Variants in GPR107 observed in about 807,000 individuals in gnomAD.
GPR107 encodes the protein protein GPR107.
GPR107 carries 31 observed loss-of-function variants against 75.5 expected under a neutral mutation model. That is an observed-to-expected ratio of 0.41 (90% CI 0.31 to 0.55). The LOEUF (loss-of-function observed/expected upper bound fraction) is 0.55, where lower values mean the gene tolerates loss of function less well. Among genes scored for constraint, GPR107 ranks in the 20% least tolerant of loss-of-function variants. The probability of loss-of-function intolerance (pLI) is 0.26; values close to 1 mark genes in which losing one functional copy is unlikely to be tolerated. For synonymous variants in GPR107, 267 were observed against 251.3 expected, an observed-to-expected ratio of 1.06 and a Z score of -0.59; for missense variants, 572 against 665.7, an observed-to-expected ratio of 0.86 and a Z score of 1.55.
intron 2 of GPR107, 76 bp from the exon 3 acceptor site, chr9:130,076,336 T>C (rs997377269): frequency 2.9e-5 from 27 of 919,656 alleles, no homozygotes; most frequent in Admixed American, 1.9e-4. Flanking sequence ...GAAGTACCAC[T>C]TTTTCTGCTT....
intron 1 of GPR107, among the ~76,000 whole-genome samples, chr9:130,070,437 G>C (rs1830177484): frequency 6.6e-6 from 1 of 152,104 alleles, no homozygotes; most frequent in Non-Finnish European, 1.5e-5. Flanking sequence ...CCACGTAGCT[G>C]GGATTACAGG....
intron 1 of GPR107, among the ~76,000 whole-genome samples, chr9:130,069,984 CT>C (rs1045979986): frequency 0.019 from 864 of 45,428 alleles, 10 homozygotes; most frequent in African/African-American, 0.069. Flanking sequence ...TGCCTGGCCT[CT>C]TTTTTTTTTT....
In GPR107 at chr9:130,107,490, T is replaced by G. The variant is rs372347633; in HGVS notation, c.1263-6T>G. ...AACTTTTTGTTCTCTAAATGTTTAT[T>G]TTTAGGTCAATCAGACATTTACAAG... On this transcript the variant is annotated splice_polypyrimidine_tract_variant and splice_region_variant and intron_variant, in intron 13 of 17. Transcript: ENST00000347136. 1 of 1,567,214 alleles carries G rather than the reference T, an allele frequency of 6.4e-7. No individual in the cohort carries two copies. The highest frequency in any genetic ancestry group is 1.4e-5 in the African/African-American group (1 of 74,064).
intron 5 of GPR107, chr9:130,083,345 G>A (rs766548897): frequency 3.1e-5 from 11 of 354,736 alleles, no homozygotes; most frequent in Admixed American, 1.9e-4. Flanking sequence ...TACTATTACC[G>A]GTTACTAGAT....
chr9:130,121,196 A>G (rs1270802211), intron 14 of GPR107, among the ~76,000 whole-genome samples: 11 of 151,140 alleles, frequency 7.3e-5, no homozygotes, highest in Non-Finnish European at 4.4e-5. Flanking sequence ...ACAAAACAAA[A>G]CAAAACAAAA....
At chr9:130,070,004 T>A (rs1589486438) in intron 1 of GPR107, among the ~76,000 whole-genome samples, 1 of 102,566 alleles carries the variant, frequency 9.7e-6, no homozygotes, top group Non-Finnish European at 2.0e-5. Context: ...TTTTTTTTTT[T>A]TTTTTTTAAA....
rs1269831654 is a variant in GPR107, at chr9:130,137,582, AGGT to A, written c.*2468_*2470del. 6.6e-6 allele frequency: 1 copy of A among 152,274 alleles called. No individual in the cohort carries two copies. Among genetic ancestry groups the A allele is most frequent in the Non-Finnish European group, 1.5e-5 (1 of 68,050 alleles). 9.4% of individuals were successfully genotyped at this position (152,274 alleles called of 1,614,324 possible). A position where few individuals can be genotyped will look rare whatever the true frequency, so the allele number is the denominator to read the frequency against. Reference sequence around the variant, plus strand: ...AACCCCAGCCCAAGATTGGGAAAGCAGGTGGTGGTTCCAAGCTTTTAAAAAATT... The same window carrying A: ...AACCCCAGCCCAAGATTGGGAAAGCAGGTGGTTCCAAGCTTTTAAAAAATT... On this transcript the variant is annotated 3_prime_UTR_variant, in exon 18 of 18. Transcript: ENST00000347136.
In GPR107 at chr9:130,092,321, C is replaced by G. The variant is rs1340215497; in HGVS notation, c.803C>G (p.Ser268Ter). Residue 268 changes from serine (S) to a stop codon, truncating the protein, a stop_gained, in exon 9 of 18, where the codon TCA (serine) becomes TGA (stop). Transcript: ENST00000347136. LOFTEE classifies it high-confidence loss of function. ...ATTCCTCTCCCCAAATTATACATCTCAATGGCCTTTTTCTTCTTTCTTTCT... is the reference window on the plus strand; with the variant it reads ...ATTCCTCTCCCCAAATTATACATCTGAATGGCCTTTTTCTTCTTTCTTTCT... ...GEIPLPKLYI[S>*]MAFFFFLSGT... 11 of 1,608,786 alleles carry G rather than the reference C, an allele frequency of 6.8e-6. No homozygotes were observed. Among genetic ancestry groups the G allele is most frequent in the Middle Eastern group, 1.7e-4 (1 of 6,050 alleles).
intron 1 of GPR107, among the ~76,000 whole-genome samples, chr9:130,060,251 T>A (rs1324948410): frequency 1.3e-5 from 2 of 151,816 alleles, no homozygotes; most frequent in Non-Finnish European, 2.9e-5. Flanking sequence ...TTATTAGAGA[T>A]GGGGTTTTGC....
intron 9 of GPR107, among the ~76,000 whole-genome samples, chr9:130,095,549 C>A (rs1471986193): frequency 4.6e-5 from 7 of 152,124 alleles, no homozygotes; most frequent in Non-Finnish European, 8.8e-5. Context: ...CGTCCGCCAC[C>A]ATGCCTGGCT....
chr9:130,074,529 C>T (rs917947070), intron 1 of GPR107, among the ~76,000 whole-genome samples: 4 of 152,128 alleles, frequency 2.6e-5, no homozygotes, highest in African/African-American at 9.7e-5. Flanking sequence ...TCTGTTGGCC[C>T]TGCAGTGTAC....
intron 1 of GPR107, among the ~76,000 whole-genome samples, chr9:130,056,658 G>T (rs1168953512): frequency 6.6e-6 from 1 of 151,974 alleles, no homozygotes; most frequent in Non-Finnish European, 1.5e-5. Flanking sequence ...GGGCGCAGTG[G>T]CTCACGCCTG....
chr9:130,066,986 CAAA>C (rs756449761), intron 1 of GPR107, among the ~76,000 whole-genome samples: 1 of 120,124 alleles, frequency 8.3e-6, no homozygotes. Flanking sequence ...ACTCCGTCTC[CAAA>C]AAAAAAAAAA....
At chr9:130,102,069 C>T (rs750063045) in intron 12 of GPR107, among the ~76,000 whole-genome samples, 39 of 152,180 alleles carry the variant, frequency 2.6e-4, no homozygotes, top group Non-Finnish European at 5.1e-4. Context: ...AGGCCAGTTG[C>T]TCTGTGTTTC....
intron 6 of GPR107, among the ~76,000 whole-genome samples, chr9:130,085,566 C>G (rs1211490872): frequency 6.6e-6 from 1 of 151,892 alleles, no homozygotes; most frequent in African/African-American, 2.4e-5. Context: ...TTTGTAAGCC[C>G]CCTGTCCCCA....
At chr9:130,083,924 C>A (rs796958833) in intron 6 of GPR107, among the ~76,000 whole-genome samples, 1 of 152,008 alleles carries the variant, frequency 6.6e-6, no homozygotes, top group African/African-American at 2.4e-5. Context: ...ATAGTTGTTA[C>A]ACTGTGTTGG....
At chr9:130,086,381 G>A (rs993292263) in intron 6 of GPR107, 39 bp from the exon 7 acceptor site, 2 of 928,370 alleles carry the variant, frequency 2.2e-6, no homozygotes, top group Non-Finnish European at 3.6e-6. Context: ...ATGCTTCTAT[G>A]CCGGTGTCAT....
rs77505902 is a variant in GPR107 at position 130,121,181 on chromosome 9, T to TCAAAACAAAACAAAA, written c.1307-3707_1307-3693dup. ...GGGAGACAGCGAGTGAGACCCTATCTCAAAACAAAACAAAACAAAACAAAA... is the reference window on the plus strand; with the variant it reads ...GGGAGACAGCGAGTGAGACCCTATCTCAAAACAAAACAAAACAAAACAAAACAAAACAAAACAAAA... On this transcript the variant is annotated intron_variant, in intron 14 of 17. Coordinates refer to ENST00000347136, the MANE Select transcript of GPR107 (RefSeq NM_020960.5). Among the ~76,000 whole-genome samples, 1,095 of 140,852 alleles carry TCAAAACAAAACAAAA rather than the reference T, an allele frequency of 7.8e-3. 13 individuals are homozygous for TCAAAACAAAACAAAA. The highest frequency in any genetic ancestry group is 0.011 in the South Asian group (47 of 4,094). 92.4% of individuals were successfully genotyped at this position (140,852 alleles called of 152,430 possible).
chr9:130,135,085 C>T lies in GPR107; in HGVS notation c.1623C>T (p.Ser541=), dbSNP rs781916436. The T allele has an allele frequency of 5.3e-5, 86 of 1,610,720 alleles. No homozygotes were observed. The highest frequency in any genetic ancestry group is 6.6e-5 in the South Asian group (6 of 90,930). ...MKKVKKVTNG[S]VEPQGEWEGA... ...AAGTCAAGAAGGTGACCAACGGCTC[C>T]GTGGAGCCCCAGGGCGAGTGGGAAG... Residue 541 remains serine (S), a synonymous_variant, in exon 18 of 18, where the codon TCC becomes TCT. Coordinates refer to ENST00000347136, the MANE Select transcript of GPR107 (RefSeq NM_020960.5).
Sources: gnomAD v4.1 joint callset for allele counts (sites outside exome capture counted in the v4.1 genomes callset) on GRCh38, gnomAD v4.1.1 for gene constraint, MANE v1.5 for transcripts, NCBI Gene and HGNC (gene_info 2026-07-23, HGNC 2026-07-21) for gene names.